NKAIN3: variants seen among roughly 807,000 people sequenced by gnomAD.
NKAIN3 encodes sodium/potassium-transporting ATPase subunit beta-1-interacting protein 3.
NKAIN3 carries 25 observed loss-of-function variants against 30.2 expected under a neutral mutation model. The observed-to-expected ratio is 0.83, with a 90% CI of 0.60 to 1.16. NKAIN3 has a LOEUF of 1.16. Among genes scored for constraint, NKAIN3 ranks in the 50% most tolerant of loss-of-function variants. The probability of loss-of-function intolerance (pLI) is 0.00; values close to 1 mark genes in which losing one functional copy is unlikely to be tolerated. For synonymous variants in NKAIN3, 91 were observed against 89.6 expected, an observed-to-expected ratio of 1.02 and a Z score of -0.09; for missense variants, 225 against 254.1, an observed-to-expected ratio of 0.89 and a Z score of 0.78.
intron 1 of NKAIN3, among the ~76,000 whole-genome samples, chr8:62,264,698 A>G (rs892254296): frequency 5.3e-5 from 8 of 152,176 alleles, no homozygotes; most frequent in African/African-American, 1.9e-4. Context: ...AGAAAGATAC[A>G]AGCACAGAGG....
At chr8:62,407,981 G>A (rs895206042) in intron 1 of NKAIN3, among the ~76,000 whole-genome samples, 9 of 152,118 alleles carry the variant, frequency 5.9e-5, no homozygotes, top group Non-Finnish European at 8.8e-5. Flanking sequence ...AGTTATGCTC[G>A]CACAGTTATC....
chr8:62,924,603 C>A (rs1586352729), intron 5 of NKAIN3, among the ~76,000 whole-genome samples: 1 of 152,144 alleles, frequency 6.6e-6, no homozygotes, highest in Non-Finnish European at 1.5e-5. Flanking sequence ...AGCTGAAAAG[C>A]TTGGGCATAT....
At chr8:62,779,711 G>C (rs1017503745) in intron 4 of NKAIN3, among the ~76,000 whole-genome samples, 4 of 152,098 alleles carry the variant, frequency 2.6e-5, no homozygotes, top group Admixed American at 6.6e-5. Context: ...CAATATGTTA[G>C]AACACAAAAC....
intron 4 of NKAIN3, among the ~76,000 whole-genome samples, chr8:62,752,228 G>T (rs1816304828): frequency 6.6e-6 from 1 of 152,082 alleles, no homozygotes; most frequent in Non-Finnish European, 1.5e-5. Flanking sequence ...TCTGTGCAGG[G>T]CATAGCACAG....
intron 4 of NKAIN3, among the ~76,000 whole-genome samples, chr8:62,914,877 G>T (rs997757297): frequency 2.7e-5 from 4 of 148,478 alleles, no homozygotes; most frequent in African/African-American, 1.0e-4. Context: ...ATGGTGGCTT[G>T]CTGCACCCAT....
chr8:62,653,917 G>A (rs1812695601), intron 3 of NKAIN3, among the ~76,000 whole-genome samples: 2 of 152,070 alleles, frequency 1.3e-5, no homozygotes, highest in Non-Finnish European at 2.9e-5. Flanking sequence ...CATTTTCTGT[G>A]GACTCAAGGG....
chr8:62,304,917 G>A (rs1193756866), intron 1 of NKAIN3, among the ~76,000 whole-genome samples: 1 of 150,444 alleles, frequency 6.6e-6, no homozygotes, highest in African/African-American at 2.5e-5. Context: ...CAGTTGTACT[G>A]GAAAGTGTCA....
At position 62,978,081 on chromosome 8, in the gene NKAIN3, C is replaced by CG. The variant is rs529375625; in HGVS notation, c.*12674_*12675insG. ...CAAAGATTGCTGCCTCCTCCTACTT[C>CG]TGGAAGCTGTGTCCCAGAGGGGCAC... is the stretch of plus-strand genomic sequence containing the variant. On this transcript the variant is annotated 3_prime_UTR_variant, in exon 7 of 7. Coordinates refer to ENST00000623646, the MANE Select transcript of NKAIN3 (RefSeq NM_001304533.3). 535 of 164,864 alleles carry CG rather than the reference C, an allele frequency of 3.2e-3. 3 individuals are homozygous for CG. The highest frequency in any genetic ancestry group is 0.012 in the African/African-American group (518 of 41,808). The allele number at this position is 164,864 out of a possible 1,614,324, so 10.2% of individuals were successfully genotyped here. A position where few individuals can be genotyped will look rare whatever the true frequency, so the allele number is the denominator to read the frequency against.
At chr8:62,382,825 A>G (rs1330423609) in intron 1 of NKAIN3, among the ~76,000 whole-genome samples, 4 of 152,066 alleles carry the variant, frequency 2.6e-5, no homozygotes. Context: ...CCTTTTTTCC[A>G]TATCCAAAAT....
rs1267199816 is a variant in NKAIN3 at position 62,972,619 on chromosome 8, C to A, written c.*7212C>A. ...TGAGACAGTGGTGAATAAATCCACC[C>A]CAAAATTCCTTTGCAGATCTTGAGT... On this transcript the variant is annotated 3_prime_UTR_variant, in exon 7 of 7. Coordinates refer to ENST00000623646, the MANE Select transcript of NKAIN3 (RefSeq NM_001304533.3). Among the ~76,000 whole-genome samples the A allele has an allele frequency of 6.6e-6, 1 of 152,140 alleles. No individual in the cohort carries two copies.
At chr8:62,364,134 AG>A (rs1397642724) in intron 1 of NKAIN3, among the ~76,000 whole-genome samples, 11 of 152,318 alleles carry the variant, frequency 7.2e-5, no homozygotes, top group African/African-American at 2.6e-4. Flanking sequence ...AATGTCTGTT[AG>A]CCATATTAAT....
intron 3 of NKAIN3, among the ~76,000 whole-genome samples, chr8:62,688,409 T>G (rs576613999): frequency 2.0e-5 from 3 of 152,282 alleles, no homozygotes; most frequent in Non-Finnish European, 2.9e-5. Flanking sequence ...ATACTGTTTG[T>G]TGTAGTAGAT....
intron 3 of NKAIN3, among the ~76,000 whole-genome samples, chr8:62,645,161 G>A (rs1218701323): frequency 6.6e-6 from 1 of 152,084 alleles, no homozygotes; most frequent in East Asian, 1.9e-4. Flanking sequence ...AGCTTGGGTG[G>A]CTGTTAACAG....
chr8:62,493,265 A>G (rs961707251), intron 1 of NKAIN3, among the ~76,000 whole-genome samples: 8 of 152,154 alleles, frequency 5.3e-5, no homozygotes, highest in Non-Finnish European at 1.0e-4. Flanking sequence ...TCCCAGAACC[A>G]TTTATTGAAT....
rs548534129 is a variant in NKAIN3, at chr8:62,940,945, A to G, written c.533-12957A>G. On this transcript the variant is annotated intron_variant, in intron 5 of 6. Coordinates refer to ENST00000623646, the MANE Select transcript of NKAIN3 (RefSeq NM_001304533.3). Reference sequence around the variant, plus strand: ...GAACCAAATATATTGAAAAAAAAAAATACAAAAGATAAGTGAAACAAAAAG... The same window carrying G: ...GAACCAAATATATTGAAAAAAAAAAGTACAAAAGATAAGTGAAACAAAAAG... Among the ~76,000 whole-genome samples, 3 of 151,472 alleles carry G rather than the reference A, an allele frequency of 2.0e-5. No homozygotes were observed. In the East Asian group the frequency reaches 5.8e-4, roughly 29 times the overall value.
chr8:62,294,037 A>C (rs1241691649), intron 1 of NKAIN3, among the ~76,000 whole-genome samples: 1 of 152,220 alleles, frequency 6.6e-6, no homozygotes, highest in African/African-American at 2.4e-5. Context: ...CCTTCGAGTC[A>C]GGCACGGGAT....
At chr8:62,259,302 G>A (rs1391116126) in intron 1 of NKAIN3, among the ~76,000 whole-genome samples, 1 of 151,896 alleles carries the variant, frequency 6.6e-6, no homozygotes, top group East Asian at 1.9e-4. Context: ...CATTAATTTT[G>A]AAAAAGAGGA....
At chr8:62,697,716 T>C (rs544886514) in intron 3 of NKAIN3, among the ~76,000 whole-genome samples, 1 of 152,346 alleles carries the variant, frequency 6.6e-6, no homozygotes, top group South Asian at 2.1e-4. Flanking sequence ...ACATATTAGG[T>C]TCTTCATATG....
intron 5 of NKAIN3, among the ~76,000 whole-genome samples, chr8:62,993,987 C>G (rs1563658420): frequency 1.3e-5 from 2 of 151,888 alleles, no homozygotes; most frequent in Non-Finnish European, 2.9e-5. Context: ...TATTCCAGAG[C>G]CTTTTATAAG....
Sources: allele counts gnomAD v4.1 joint callset (sites outside exome capture counted in the v4.1 genomes callset), GRCh38; gene constraint gnomAD v4.1.1; transcripts MANE v1.5; gene names NCBI Gene and HGNC (gene_info 2026-07-23, HGNC 2026-07-21).